RIT2: variants seen among roughly 807,000 people sequenced by gnomAD.
RIT2 encodes the protein GTP-binding protein Rit2.
A neutral mutation model predicts 23.7 loss-of-function variants in RIT2; 24 were observed. The observed-to-expected ratio is 1.01, with a 90% confidence interval of 0.73 to 1.43. The LOEUF is 1.43. RIT2 is among the 40% of genes most tolerant of loss of function. RIT2 has a pLI of 0.00. For missense variants in RIT2, 236 were observed against 266.9 expected, an observed-to-expected ratio of 0.88 and a Z score of 0.81; for synonymous variants, 107 against 91.1, an observed-to-expected ratio of 1.17 and a Z score of -0.99.
intron 2 of RIT2, among the ~76,000 whole-genome samples, chr18:42,999,363 T>C (rs994267205): frequency 2.0e-5 from 3 of 152,082 alleles, no homozygotes; most frequent in Admixed American, 6.6e-5. Flanking sequence ...AGTACAATCC[T>C]AGATGGTCCT....
chr18:42,753,907 A>T (rs535996404), intron 4 of RIT2, among the ~76,000 whole-genome samples: 1 of 152,346 alleles, frequency 6.6e-6, no homozygotes, highest in East Asian at 1.9e-4. Flanking sequence ...GGTAAGTGCT[A>T]CATGTCATTT....
chr18:42,751,323 A>G (rs1335590189), intron 4 of RIT2, among the ~76,000 whole-genome samples: 1 of 151,908 alleles, frequency 6.6e-6, no homozygotes, highest in Non-Finnish European at 1.5e-5. Flanking sequence ...GTTTGAAAAA[A>G]TATGTTTAGT....
intron 4 of RIT2, among the ~76,000 whole-genome samples, chr18:42,916,831 C>A (rs531261147): frequency 6.6e-6 from 1 of 151,988 alleles, no homozygotes; most frequent in East Asian, 1.9e-4. Context: ...GAGTCTGAAG[C>A]GCAAGATGTT....
intron 4 of RIT2, among the ~76,000 whole-genome samples, chr18:42,756,752 G>A (rs1351371522): frequency 2.0e-5 from 3 of 151,856 alleles, no homozygotes; most frequent in African/African-American, 7.3e-5. Flanking sequence ...TAAATCAATG[G>A]TCCTTCTGAA....
At chr18:42,898,459 G>A (rs1417373571) in intron 4 of RIT2, among the ~76,000 whole-genome samples, 1 of 152,038 alleles carries the variant, frequency 6.6e-6, no homozygotes, top group African/African-American at 2.4e-5. Context: ...AAGATTACAG[G>A]TTTAAACATT....
At chr18:42,815,696 T>C (rs1905975333) in intron 4 of RIT2, among the ~76,000 whole-genome samples, 1 of 152,130 alleles carries the variant, frequency 6.6e-6, no homozygotes, top group South Asian at 2.1e-4. Flanking sequence ...CTTGCATGAA[T>C]GTAGAAATTA....
intron 3 of RIT2, among the ~76,000 whole-genome samples, chr18:42,932,300 G>A (rs577656239): frequency 2.0e-5 from 3 of 151,996 alleles, no homozygotes; most frequent in Admixed American, 6.6e-5. Context: ...GTAACCCCAC[G>A]GTCTCCCTTT....
At chr18:42,995,619 A>C (rs912438750) in intron 2 of RIT2, among the ~76,000 whole-genome samples, 1 of 152,162 alleles carries the variant, frequency 6.6e-6, no homozygotes, top group Admixed American at 6.5e-5. Flanking sequence ...GAAAGGTACA[A>C]CGGACTAATG....
At chr18:42,876,266 C>T (rs1229409043) in intron 4 of RIT2, among the ~76,000 whole-genome samples, 2 of 151,750 alleles carry the variant, frequency 1.3e-5, no homozygotes, top group Admixed American at 6.6e-5. Context: ...GTATTTTCTC[C>T]CCCAGTGAAG....
At chr18:42,781,566 C>T (rs1913811930) in intron 4 of RIT2, among the ~76,000 whole-genome samples, 2 of 152,096 alleles carry the variant, frequency 1.3e-5, no homozygotes, top group South Asian at 4.1e-4. Context: ...ACACATCTGT[C>T]ACCATATTCC....
chr18:42,822,915 G>A (rs761392295), intron 4 of RIT2, among the ~76,000 whole-genome samples: 15 of 152,108 alleles, frequency 9.9e-5, no homozygotes, highest in Non-Finnish European at 1.3e-4. Flanking sequence ...AGTTGGCAAC[G>A]AAGGCGTTTG....
chr18:42,908,392 G>A (rs994300431), intron 4 of RIT2, among the ~76,000 whole-genome samples: 2 of 152,122 alleles, frequency 1.3e-5, no homozygotes, highest in African/African-American at 2.4e-5. Context: ...AATAAATACT[G>A]GCTGAAAGCC....
intron 2 of RIT2, among the ~76,000 whole-genome samples, chr18:43,006,416 A>G (rs950332292): frequency 6.6e-6 from 1 of 151,632 alleles, no homozygotes; most frequent in African/African-American, 2.4e-5. Flanking sequence ...AGTTCACCAA[A>G]CATTTGAGAA....
At chr18:43,046,116 G>A (rs1912240943) in intron 1 of RIT2, among the ~76,000 whole-genome samples, 1 of 152,042 alleles carries the variant, frequency 6.6e-6, no homozygotes, top group Non-Finnish European at 1.5e-5. Flanking sequence ...GGAATGATGG[G>A]ACAAACCCAG....
chr18:43,107,590 C>A (rs1913854753), intron 1 of RIT2, among the ~76,000 whole-genome samples: 1 of 152,092 alleles, frequency 6.6e-6, no homozygotes, highest in Admixed American at 6.5e-5. Context: ...TTTGCATGAT[C>A]CCAGGTTTCA....
At chr18:42,928,353 C>A in intron 3 of RIT2, among the ~76,000 whole-genome samples, 1 of 151,960 alleles carries the variant, frequency 6.6e-6, no homozygotes, top group East Asian at 1.9e-4. Context: ...GCAAAGAGGG[C>A]TTGGTGAGGG....
chr18:43,038,229 AT>A (rs892538505), intron 1 of RIT2, among the ~76,000 whole-genome samples: 10 of 139,794 alleles, frequency 7.2e-5, no homozygotes, highest in Admixed American at 4.3e-4. Context: ...GCAGTTTCAG[AT>A]TTTTTTTTTC....
At chr18:42,980,464 G>A (rs1289131518) in intron 2 of RIT2, among the ~76,000 whole-genome samples, 2 of 152,004 alleles carry the variant, frequency 1.3e-5, no homozygotes, top group Non-Finnish European at 2.9e-5. Flanking sequence ...GCTGATTGGT[G>A]TCAACTACCC....
chr18:42,958,988 C>T (rs945887683), intron 3 of RIT2, among the ~76,000 whole-genome samples: 1 of 152,158 alleles, frequency 6.6e-6, no homozygotes, highest in Admixed American at 6.5e-5. Context: ...AACTCAAGAT[C>T]ATGTCTTAAA....
Sources: allele counts gnomAD v4.1 joint callset (sites outside exome capture counted in the v4.1 genomes callset), GRCh38; gene constraint gnomAD v4.1.1; transcripts MANE v1.5; gene names NCBI Gene and HGNC (gene_info 2026-07-23, HGNC 2026-07-21).